Variants in KCNC2 observed in about 807,000 individuals in gnomAD.
KCNC2 encodes voltage-gated potassium channel KCNC2.
KCNC2 carries 21 observed loss-of-function variants against 44.5 expected under a neutral mutation model. The observed-to-expected ratio is 0.47, with a 90% CI of 0.33 to 0.68. KCNC2 has a LOEUF of 0.68. KCNC2 is among the 30% of genes least tolerant of loss of function. The pLI, the probability that KCNC2 is intolerant of heterozygous loss-of-function variation, is 0.01. For synonymous variants in KCNC2, 391 were observed against 339.1 expected (o/e 1.15, Z -1.68); for missense variants, 589 against 826.2 (o/e 0.71, Z 3.52).
chr12:75,169,106 T>C (rs1010601410), intron 2 of KCNC2, among the ~76,000 whole-genome samples: 10 of 151,538 alleles, frequency 6.6e-5, no homozygotes, highest in Non-Finnish European at 1.5e-4. Context: ...AGCCTTCTTT[T>C]CTGAAGCCCA....
At position 75,042,227 on chromosome 12, in the gene KCNC2, T is replaced by C; in HGVS notation, c.*878A>G. ...GGGTATTTTTTTTTTTTAAAGAGTC[T>C]AGAACCAAGCAGCAATTTCTGGCTA... On this transcript the variant is annotated 3_prime_UTR_variant, in exon 5 of 5. Coordinates refer to ENST00000549446, the MANE Select transcript of KCNC2 (RefSeq NM_139137.4). 6.4e-6 allele frequency: 10 copies of C among 1,564,608 alleles called. No individual in the cohort carries two copies. The highest frequency in any genetic ancestry group is 8.6e-6 in the Non-Finnish European group (10 of 1,158,418).
chr12:75,091,341 C>A (rs957377770), intron 2 of KCNC2, among the ~76,000 whole-genome samples: 2 of 151,652 alleles, frequency 1.3e-5, no homozygotes, highest in African/African-American at 4.8e-5. Context: ...ATTGAAGTAG[C>A]TGCCTTTTGG....
intron 2 of KCNC2, among the ~76,000 whole-genome samples, chr12:75,125,261 G>A (rs1370591006): frequency 6.6e-6 from 1 of 152,162 alleles, no homozygotes; most frequent in African/African-American, 2.4e-5. Context: ...GTACCAATTT[G>A]TTCACAAGGG....
intron 2 of KCNC2, among the ~76,000 whole-genome samples, chr12:75,125,095 G>A (rs1395088887): frequency 6.6e-6 from 1 of 151,998 alleles, no homozygotes; most frequent in East Asian, 1.9e-4. Context: ...TACACACTGA[G>A]ACTCCGTCTC....
chr12:75,085,458 T>C (rs929654746), intron 2 of KCNC2, among the ~76,000 whole-genome samples: 1 of 152,166 alleles, frequency 6.6e-6, no homozygotes, highest in South Asian at 2.1e-4. Context: ...GCATTTTATA[T>C]TGATTATTTC....
chr12:75,083,108 TATCTGTTATTTCCAA>T (rs144199438), intron 2 of KCNC2, among the ~76,000 whole-genome samples: 25,145 of 151,234 alleles, frequency 0.17, 2,508 homozygotes, highest in Admixed American at 0.27. Context: ...TATTTTCTTT[TATCTGTTATTTCCAA>T]ATTTTCTAAA....
At chr12:75,200,294 T>C (rs969734206) in intron 2 of KCNC2, among the ~76,000 whole-genome samples, 1 of 151,826 alleles carries the variant, frequency 6.6e-6, no homozygotes, top group Admixed American at 6.6e-5. Flanking sequence ...GTCGTTAACT[T>C]ATCATGGCTG....
At chr12:75,106,879 T>A (rs1462267203) in intron 2 of KCNC2, among the ~76,000 whole-genome samples, 1 of 152,226 alleles carries the variant, frequency 6.6e-6, no homozygotes, top group Non-Finnish European at 1.5e-5. Flanking sequence ...ATGTTAATAT[T>A]TAGGGAAAGC....
chr12:75,137,024 C>A (rs1889281100), intron 2 of KCNC2, among the ~76,000 whole-genome samples: 1 of 152,136 alleles, frequency 6.6e-6, no homozygotes, highest in Admixed American at 6.5e-5. Context: ...TCCTTCCCAA[C>A]TCTTCTTCAA....
intron 2 of KCNC2, chr12:75,140,113 T>A (rs2137397535): frequency 6.6e-6 from 1 of 152,328 alleles, no homozygotes; most frequent in African/African-American, 2.4e-5. Context: ...ATGAGAGGGA[T>A]CTACTGGGCT....
intron 2 of KCNC2, among the ~76,000 whole-genome samples, chr12:75,069,382 C>T (rs1034842897): frequency 4.6e-5 from 7 of 151,834 alleles, no homozygotes; most frequent in Non-Finnish European, 7.4e-5. Context: ...GTGATCCGCC[C>T]GCCTCAGCCT....
intron 2 of KCNC2, among the ~76,000 whole-genome samples, chr12:75,125,198 G>A (rs535114197): frequency 6.6e-5 from 10 of 152,294 alleles, no homozygotes; most frequent in South Asian, 4.1e-4. Context: ...ATGTTCTACC[G>A]TGACTGGGAA....
At chr12:75,068,765 A>T (rs1029964894) in intron 2 of KCNC2, among the ~76,000 whole-genome samples, 1 of 152,190 alleles carries the variant, frequency 6.6e-6, no homozygotes, top group African/African-American at 2.4e-5. Flanking sequence ...GTAATCAATG[A>T]CCAGATGAAA....
chr12:75,140,281 G>C (rs138540891), intron 2 of KCNC2: 1 of 152,004 alleles, frequency 6.6e-6, no homozygotes, highest in African/African-American at 2.4e-5. Flanking sequence ...TATCCAACTG[G>C]CCAAAGTAAG....
intron 2 of KCNC2, among the ~76,000 whole-genome samples, chr12:75,074,807 G>C (rs1209151850): frequency 1.3e-5 from 2 of 152,288 alleles, no homozygotes; most frequent in Admixed American, 1.3e-4. Flanking sequence ...TGAAGTGCTG[G>C]ACAAGAGAGG....
chr12:75,135,087 C>G (rs1889131396), intron 2 of KCNC2, among the ~76,000 whole-genome samples: 1 of 151,850 alleles, frequency 6.6e-6, no homozygotes, highest in South Asian at 2.1e-4. Context: ...AGTCACTAAG[C>G]CAAGATTTTA....
chr12:75,142,224 A>G (rs959545552), intron 2 of KCNC2, among the ~76,000 whole-genome samples: 14 of 152,200 alleles, frequency 9.2e-5, no homozygotes, highest in Admixed American at 9.2e-4. Flanking sequence ...CTAACCTAAG[A>G]CTTGAACACA....
At chr12:75,201,278 A>AC (rs2031236749) in intron 2 of KCNC2, among the ~76,000 whole-genome samples, 1 of 122,140 alleles carries the variant, frequency 8.2e-6, no homozygotes, top group African/African-American at 3.5e-5. Flanking sequence ...AAAAAAAAAA[A>AC]AAAAAAAAAA....
At chr12:75,093,377 G>A (rs1885654364) in intron 2 of KCNC2, among the ~76,000 whole-genome samples, 1 of 151,496 alleles carries the variant, frequency 6.6e-6, no homozygotes, top group South Asian at 2.1e-4. Context: ...ATGTGGCTAT[G>A]GAAAGGCAAT....
Sources: gnomAD v4.1 joint callset for allele counts (sites outside exome capture counted in the v4.1 genomes callset) on GRCh38, gnomAD v4.1.1 for gene constraint, MANE v1.5 for transcripts, NCBI Gene and HGNC (gene_info 2026-07-23, HGNC 2026-07-21) for gene names.